Variants in LRRIQ3 observed in about 807,000 individuals in gnomAD.
LRRIQ3 encodes leucine rich repeats and IQ motif containing 3.
LRRIQ3 carries 75 observed loss-of-function variants against 59.3 expected under a neutral mutation model. That is an observed-to-expected ratio of 1.26 (90% CI 1.05 to 1.53). The LOEUF (loss-of-function observed/expected upper bound fraction) is 1.53. Among genes scored for constraint, LRRIQ3 ranks in the 40% most tolerant of loss-of-function variants. LRRIQ3 has a pLI of 0.00. For missense variants in LRRIQ3, 831 were observed against 710.0 expected, an observed-to-expected ratio of 1.17 and a Z score of -1.94; for synonymous variants, 250 against 231.3, an observed-to-expected ratio of 1.08 and a Z score of -0.73.
intron 6 of LRRIQ3, chr1:74,050,553 T>C (rs1463513525): frequency 2.0e-6 from 2 of 985,312 alleles, no homozygotes; most frequent in African/African-American, 1.7e-5. Context: ...TCTGAACGTA[T>C]TGCAGATTTA....
chr1:74,088,197 C>G (rs1467455240), intron 5 of LRRIQ3, among the ~76,000 whole-genome samples: 3 of 152,212 alleles, frequency 2.0e-5, no homozygotes, highest in South Asian at 4.1e-4. Flanking sequence ...ACATAGATTT[C>G]TATCCATTAT....
chr1:74,172,778 T>C (rs958594573), intron 3 of LRRIQ3, among the ~76,000 whole-genome samples: 5 of 152,228 alleles, frequency 3.3e-5, no homozygotes, highest in Non-Finnish European at 1.5e-5. Flanking sequence ...ATATTTGTTA[T>C]AGCTTCTTGT....
intron 5 of LRRIQ3, among the ~76,000 whole-genome samples, chr1:74,092,743 A>C (rs969422201): frequency 6.6e-6 from 1 of 152,096 alleles, no homozygotes; most frequent in African/African-American, 2.4e-5. Context: ...CTGCAAGTTA[A>C]GCTTACTGAG....
intron 5 of LRRIQ3, among the ~76,000 whole-genome samples, chr1:74,092,102 C>G (rs1267228587): frequency 1.3e-5 from 2 of 152,210 alleles, no homozygotes; most frequent in East Asian, 3.9e-4. Flanking sequence ...TATTTTCTAT[C>G]TCTTCCTCTT....
At chr1:74,034,637 C>G (rs1454991653) in intron 7 of LRRIQ3, among the ~76,000 whole-genome samples, 10 of 7,752 alleles carry the variant, frequency 1.3e-3, no homozygotes, top group African/African-American at 1.4e-3. Flanking sequence ...CACACACAGA[C>G]ACACACACAC....
intron 1 of LRRIQ3, among the ~76,000 whole-genome samples, chr1:74,195,114 G>T (rs1243905555): frequency 6.6e-6 from 1 of 152,082 alleles, no homozygotes; most frequent in Non-Finnish European, 1.5e-5. Context: ...CTCCAACAGG[G>T]CATAGTGAGA....
chr1:74,053,398 A>T (rs1007703988), intron 6 of LRRIQ3, among the ~76,000 whole-genome samples: 1 of 152,184 alleles, frequency 6.6e-6, no homozygotes, highest in African/African-American at 2.4e-5. Flanking sequence ...CATTAAAATT[A>T]AAATTTCTGC....
At chr1:74,041,107 G>A in intron 7 of LRRIQ3, 106 bp downstream of exon 7, 1 of 901,252 alleles carries the variant, frequency 1.1e-6, no homozygotes, top group East Asian at 2.6e-5. Flanking sequence ...AAAGTAGAAT[G>A]TACTATGTTA....
At chr1:74,119,763 C>G (rs959791924) in intron 4 of LRRIQ3, among the ~76,000 whole-genome samples, 14 of 152,112 alleles carry the variant, frequency 9.2e-5, no homozygotes, top group Admixed American at 4.6e-4. Context: ...TTTTAGGGGC[C>G]CTTGTTATTC....
chr1:74,028,295 G>A (rs1653581708), intron 7 of LRRIQ3, among the ~76,000 whole-genome samples: 1 of 152,002 alleles, frequency 6.6e-6, no homozygotes, highest in Non-Finnish European at 1.5e-5. Flanking sequence ...TAAAAAGCCT[G>A]CAGCTTATTG....
intron 1 of LRRIQ3, among the ~76,000 whole-genome samples, chr1:74,186,083 T>C (rs1433138595): frequency 6.7e-6 from 1 of 148,984 alleles, no homozygotes; most frequent in African/African-American, 2.4e-5. Context: ...TATAGCTATA[T>C]AAATATATAT....
At chr1:74,135,646 A>G (rs900208887) in intron 4 of LRRIQ3, among the ~76,000 whole-genome samples, 3 of 151,980 alleles carry the variant, frequency 2.0e-5, no homozygotes, top group Non-Finnish European at 4.4e-5. Context: ...CTCCATAACC[A>G]TGGGGACAGG....
chr1:74,182,573 G>A lies in LRRIQ3; in HGVS notation c.538C>T (p.Arg180Ter), dbSNP rs201409668. ...LPERFKACNH[R>*]LFFNFCPALR... ...GCTGGGCAGAAATTAAAGAAAAGTCGATGGTTACATGCTTTGAATCTTTCA... is the reference window on the plus strand; with the variant it reads ...GCTGGGCAGAAATTAAAGAAAAGTCAATGGTTACATGCTTTGAATCTTTCA... The change falls in exon 3 of 8, where the codon CGA becomes TGA. Residue 180 changes from arginine to a stop codon, truncating the protein, a stop_gained. Transcript: ENST00000354431. LOFTEE classifies it high-confidence loss of function. 60 of 1,574,578 alleles carry A rather than the reference G, an allele frequency of 3.8e-5. No homozygotes were observed. Among genetic ancestry groups the A allele is most frequent in the East Asian group, 1.6e-4 (7 of 43,664 alleles).
At chr1:74,171,770 A>G (rs1649335639) in intron 3 of LRRIQ3, among the ~76,000 whole-genome samples, 1 of 152,190 alleles carries the variant, frequency 6.6e-6, no homozygotes, top group South Asian at 2.1e-4. Context: ...TTTTCTCATT[A>G]GAGAGGAATT....
chr1:74,035,485 T>C (rs972930923), intron 7 of LRRIQ3, among the ~76,000 whole-genome samples: 1 of 152,166 alleles, frequency 6.6e-6, no homozygotes, highest in African/African-American at 2.4e-5. Context: ...TTAAAATATT[T>C]TGAGTCAACA....
chr1:74,192,567 T>C (rs1261676312), intron 1 of LRRIQ3, among the ~76,000 whole-genome samples: 1 of 152,134 alleles, frequency 6.6e-6, no homozygotes, highest in Non-Finnish European at 1.5e-5. Flanking sequence ...ACTAAAATAA[T>C]TTAGTCTTAT....
At chr1:74,147,436 T>C (rs1363818974) in intron 4 of LRRIQ3, among the ~76,000 whole-genome samples, 3 of 152,210 alleles carry the variant, frequency 2.0e-5, no homozygotes, top group Non-Finnish European at 4.4e-5. Flanking sequence ...AAGGTATTTT[T>C]CAAACCCAAT....
At chr1:74,167,414 A>G (rs1028574313) in intron 3 of LRRIQ3, among the ~76,000 whole-genome samples, 3 of 151,868 alleles carry the variant, frequency 2.0e-5, no homozygotes, top group African/African-American at 7.2e-5. Context: ...TGAGGACTCA[A>G]AGGCATAAGA....
intron 1 of LRRIQ3, among the ~76,000 whole-genome samples, chr1:74,193,837 A>C (rs1390461492): frequency 6.6e-6 from 1 of 152,140 alleles, no homozygotes; most frequent in Non-Finnish European, 1.5e-5. Context: ...AACAGCTGTT[A>C]TCTGCATATA....
Sources: allele counts gnomAD v4.1 joint callset (sites outside exome capture counted in the v4.1 genomes callset), GRCh38; gene constraint gnomAD v4.1.1; transcripts MANE v1.5; gene names NCBI Gene and HGNC (gene_info 2026-07-23, HGNC 2026-07-21).